The following CNTNAP2 variants were observed in gnomAD, a reference collection of about 807,000 sequenced individuals.
CNTNAP2 encodes contactin-associated protein-like 2.
Under a neutral mutation model 155.2 loss-of-function variants are expected in CNTNAP2, and 98 were observed. The observed-to-expected ratio is 0.63, with a 90% CI of 0.54 to 0.75. The LOEUF is 0.75. Among genes scored for constraint, CNTNAP2 ranks in the 30% least tolerant of loss-of-function variants. The probability of loss-of-function intolerance (pLI) is 0.00; values close to 1 mark genes in which losing one functional copy is unlikely to be tolerated. For synonymous variants in CNTNAP2, 651 were observed against 631.2 expected (o/e 1.03, Z -0.47); for missense variants, 1,727 against 1,688.1 (o/e 1.02, Z -0.40).
intron 3 of CNTNAP2, among the ~76,000 whole-genome samples, chr7:147,027,456 G>T (rs1437659653): frequency 6.6e-6 from 1 of 152,128 alleles, no homozygotes; most frequent in African/African-American, 2.4e-5. Flanking sequence ...TTAATTTGTT[G>T]AAAAGAATCT....
At chr7:147,937,864 C>T (rs987537252) in intron 14 of CNTNAP2, among the ~76,000 whole-genome samples, 3 of 152,060 alleles carry the variant, frequency 2.0e-5, no homozygotes, top group Non-Finnish European at 2.9e-5. Flanking sequence ...ACTCAAATTG[C>T]TCTTTAGATC....
chr7:147,795,206 T>C (rs1308395896), intron 13 of CNTNAP2, among the ~76,000 whole-genome samples: 1 of 152,040 alleles, frequency 6.6e-6, no homozygotes, highest in Admixed American at 6.6e-5. Context: ...ATCCTGTCAC[T>C]TTCAATCTAT....
chr7:147,718,663 C>T (rs887220097), intron 13 of CNTNAP2, among the ~76,000 whole-genome samples: 2 of 152,018 alleles, frequency 1.3e-5, no homozygotes, highest in South Asian at 4.1e-4. Flanking sequence ...GTTTTGTATC[C>T]TGGGTACCAT....
chr7:146,770,170 G>T (rs1425884855), intron 1 of CNTNAP2, among the ~76,000 whole-genome samples: 1 of 151,592 alleles, frequency 6.6e-6, no homozygotes, highest in Non-Finnish European at 1.5e-5. Context: ...TTACTCTTTT[G>T]TTGCTTCATG....
chr7:147,736,503 G>A (rs950951154), intron 13 of CNTNAP2, among the ~76,000 whole-genome samples: 2 of 152,028 alleles, frequency 1.3e-5, no homozygotes, highest in African/African-American at 4.8e-5. Context: ...ATGTGTCTTG[G>A]AGTTGCTCTT....
chr7:148,105,462 G>T (rs574995319), intron 15 of CNTNAP2, among the ~76,000 whole-genome samples: 1 of 152,272 alleles, frequency 6.6e-6, no homozygotes, highest in South Asian at 2.1e-4. Context: ...GGCAAAGCAG[G>T]CCTATGCTTA....
intron 13 of CNTNAP2, among the ~76,000 whole-genome samples, chr7:147,729,425 C>T (rs75904492): frequency 5.1e-5 from 1 of 19,440 alleles, no homozygotes; most frequent in Non-Finnish European, 1.2e-4. Context: ...CGCACACACA[C>T]ACGCACACAC....
chr7:147,211,609 A>G (rs1049186713), intron 8 of CNTNAP2, among the ~76,000 whole-genome samples: 20 of 151,972 alleles, frequency 1.3e-4, no homozygotes, highest in Non-Finnish European at 2.7e-4. Context: ...GACTAACCGT[A>G]TGAGAAACTA....
intron 2 of CNTNAP2, among the ~76,000 whole-genome samples, chr7:146,778,845 CAG>C (rs1202530000): frequency 1.3e-5 from 2 of 152,120 alleles, no homozygotes; most frequent in Admixed American, 1.3e-4. Flanking sequence ...TTTCTTCTGC[CAG>C]AGAGACAGCC....
chr7:146,762,991 A>G (rs1466628782), intron 1 of CNTNAP2, among the ~76,000 whole-genome samples: 1 of 151,876 alleles, frequency 6.6e-6, no homozygotes, highest in Non-Finnish European at 1.5e-5. Flanking sequence ...GCTAAACCAT[A>G]TCAATCCCCT....
intron 15 of CNTNAP2, among the ~76,000 whole-genome samples, chr7:148,092,924 G>A (rs544152045): frequency 9.4e-5 from 14 of 149,166 alleles, no homozygotes; most frequent in South Asian, 2.1e-4. Context: ...TGGTCCAGGT[G>A]CCTGCCTTCT....
chr7:147,116,627 C>A (rs1306531602), intron 5 of CNTNAP2, among the ~76,000 whole-genome samples: 1 of 152,274 alleles, frequency 6.6e-6, no homozygotes, highest in Non-Finnish European at 1.5e-5. Flanking sequence ...ACTGCCTCTG[C>A]CCCCATCAGC....
chr7:147,599,948 A>G (rs1800912489), intron 12 of CNTNAP2, among the ~76,000 whole-genome samples: 1 of 152,228 alleles, frequency 6.6e-6, no homozygotes, highest in Non-Finnish European at 1.5e-5. Context: ...ATATCAGGTA[A>G]TACCATTAAG....
chr7:146,248,743 G>A (rs1477804691), intron 1 of CNTNAP2, among the ~76,000 whole-genome samples: 2 of 152,114 alleles, frequency 1.3e-5, no homozygotes, highest in Admixed American at 6.5e-5. Flanking sequence ...TCTTTCTCAC[G>A]AGCAAAGAAC....
At chr7:147,370,004 T>C (rs1293264786) in intron 9 of CNTNAP2, among the ~76,000 whole-genome samples, 1 of 152,176 alleles carries the variant, frequency 6.6e-6, no homozygotes, top group Non-Finnish European at 1.5e-5. Context: ...CCAGCCCTTG[T>C]TGCTTCCTGT....
intron 3 of CNTNAP2, among the ~76,000 whole-genome samples, chr7:146,999,601 G>A (rs1228633331): frequency 6.6e-6 from 1 of 151,934 alleles, no homozygotes; most frequent in Non-Finnish European, 1.5e-5. Flanking sequence ...GCTTGTGTTT[G>A]TCTGGGAAAT....
chr7:147,832,798 G>T (rs1798573773), intron 13 of CNTNAP2, among the ~76,000 whole-genome samples: 1 of 144,868 alleles, frequency 6.9e-6, no homozygotes, highest in East Asian at 2.0e-4. Flanking sequence ...TATTAACTAT[G>T]TAATTTAATT....
rs60716582 is a variant in CNTNAP2, at chr7:148,157,571, C to CAA, written c.2773+9876_2773+9877dup. Among the ~76,000 whole-genome samples, 7 of 111,198 alleles carry CAA rather than the reference C, an allele frequency of 6.3e-5. No individual in the cohort carries two copies. In the East Asian group the frequency reaches 1.1e-3, roughly 18 times the overall value. The allele number at this position is 111,198 out of a possible 152,430, so 73.0% of individuals were successfully genotyped here. A position where few individuals can be genotyped will look rare whatever the true frequency, so the allele number is the denominator to read the frequency against. On this transcript the variant is annotated intron_variant, in intron 17 of 23. Transcript: ENST00000361727. ...TCAAGCATGACAGAAGCAGAAGCAGCAAAAAAAAAAAAAAAGTCACAGAGA... is the reference window on the plus strand; with the variant it reads ...TCAAGCATGACAGAAGCAGAAGCAGCAAAAAAAAAAAAAAAAAGTCACAGAGA...
At chr7:148,331,723 ATTGGATGG>A (rs1798023004) in intron 21 of CNTNAP2, among the ~76,000 whole-genome samples, 5 of 150,202 alleles carry the variant, frequency 3.3e-5, no homozygotes, top group African/African-American at 4.9e-5. Flanking sequence ...GGACGGATGG[ATTGGATGG>A]ATGGAGTGGA....
Sources: gnomAD v4.1 joint callset for allele counts (sites outside exome capture counted in the v4.1 genomes callset) on GRCh38, gnomAD v4.1.1 for gene constraint, MANE v1.5 for transcripts, NCBI Gene and HGNC (gene_info 2026-07-23, HGNC 2026-07-21) for gene names.